The following CDH11 variants were observed in gnomAD, a reference collection of about 807,000 sequenced individuals.
CDH11 encodes the protein cadherin 11, also known as cadherin-11.
A neutral mutation model predicts 67.8 loss-of-function variants in CDH11; 11 were observed. That is an observed-to-expected ratio of 0.16 (90% confidence interval 0.10 to 0.27). The LOEUF (loss-of-function observed/expected upper bound fraction) is 0.27. Ranked by LOEUF, CDH11 falls within the 10% of genes least tolerant of loss-of-function variation. The pLI is 1.00. For missense variants in CDH11, 847 were observed against 1,031.2 expected, an observed-to-expected ratio of 0.82 and a Z score of 2.45; for synonymous variants, 419 against 400.0, an observed-to-expected ratio of 1.05 and a Z score of -0.57.
chr16:65,100,606 C>T (rs1028517428), intron 1 of CDH11, among the ~76,000 whole-genome samples: 25 of 151,672 alleles, frequency 1.6e-4, no homozygotes, highest in South Asian at 4.2e-4. Context: ...GGCGTCGTGG[C>T]GGGCGCCTGT....
At chr16:65,094,442 TAC>T (rs749399832) in intron 1 of CDH11, among the ~76,000 whole-genome samples, 49 of 148,154 alleles carry the variant, frequency 3.3e-4, no homozygotes, top group Middle Eastern at 6.9e-3. Context: ...CACACACACA[TAC>T]ACACACACAC....
chr16:65,065,817 G>T (rs1038646856), intron 1 of CDH11, among the ~76,000 whole-genome samples: 3 of 152,200 alleles, frequency 2.0e-5, no homozygotes, highest in Admixed American at 6.5e-5. Flanking sequence ...GCCACTCTCA[G>T]TTGCAAAGCC....
chr16:65,060,352 TATAGAGAG>T (rs1265429357), intron 1 of CDH11, among the ~76,000 whole-genome samples: 2 of 137,214 alleles, frequency 1.5e-5, no homozygotes, highest in African/African-American at 5.6e-5. Context: ...TATATATATA[TATAGAGAG>T]AGAGAGAGAG....
At chr16:65,092,784 CA>C (rs573644581) in intron 1 of CDH11, among the ~76,000 whole-genome samples, 294 of 98,864 alleles carry the variant, frequency 3.0e-3, no homozygotes, top group Admixed American at 4.4e-3. Context: ...GGACATTTTC[CA>C]AAAAAAAAAA....
rs1212759755 is a variant in CDH11, at chr16:65,121,318, A to G, written c.-298+562T>C. Among the ~76,000 whole-genome samples the G allele has an allele frequency of 6.6e-6, 1 of 152,130 alleles. No homozygotes were observed. Among genetic ancestry groups the G allele is most frequent in the Non-Finnish European group, 1.5e-5 (1 of 68,028 alleles). ...TAAAGTGCGGGCAATCTCCTTCCGG[A>G]GCTGGGGTCTTTCCGTTTTCCCGGG... On this transcript the variant is annotated intron_variant, in intron 1 of 12. Transcript: ENST00000268603. The surrounding 1 kb of genome is among the most constrained non-coding windows in gnomAD (Gnocchi z 4.1).
At chr16:65,102,823 C>A (rs971822120) in intron 1 of CDH11, among the ~76,000 whole-genome samples, 1 of 152,160 alleles carries the variant, frequency 6.6e-6, no homozygotes, top group Non-Finnish European at 1.5e-5. Context: ...TTGAACCCAA[C>A]TTTGGGGTGG....
At position 65,080,628 on chromosome 16, in the gene CDH11, T is replaced by A. The variant is rs77753550; in HGVS notation, c.-297-26700A>T. 7.0e-3 allele frequency among the ~76,000 whole-genome samples: 1,062 copies of A among 152,308 alleles called. 6 individuals carry two copies. The highest frequency in any genetic ancestry group is 0.013 in the Non-Finnish European group (862 of 68,018). On this transcript the variant is annotated intron_variant, in intron 1 of 12. Coordinates refer to ENST00000268603, the MANE Select transcript of CDH11 (RefSeq NM_001797.4). ...ATGTGGGTATAGTCATGCATACAAT[T>A]TTGGTTAATTGTATTGTTAGCTGCT...
intron 1 of CDH11, among the ~76,000 whole-genome samples, chr16:65,098,459 T>C (rs1189885557): frequency 2.0e-5 from 3 of 152,150 alleles, no homozygotes; most frequent in Non-Finnish European, 2.9e-5. Flanking sequence ...ATTTATCAAA[T>C]TACCCTCATT....
At chr16:65,085,034 C>T (rs1453750208) in intron 1 of CDH11, among the ~76,000 whole-genome samples, 3 of 152,112 alleles carry the variant, frequency 2.0e-5, no homozygotes, top group Non-Finnish European at 2.9e-5. Context: ...CTCAGCCTCC[C>T]GAGTAGTTGG....
chr16:64,946,018 C>A lies in CDH11; in HGVS notation c.*1585G>T. ...AAATGCCCTTCACATAAGTTTCAAT[C>A]CCCAAGAAACTAGCTGGAATGCAGG... On this transcript the variant is annotated 3_prime_UTR_variant, in exon 13 of 13. Coordinates refer to ENST00000268603, the MANE Select transcript of CDH11 (RefSeq NM_001797.4). The A allele has an allele frequency of 3.8e-6, 4 of 1,059,004 alleles. No homozygotes were observed. Among genetic ancestry groups the A allele is most frequent in the Non-Finnish European group, 4.6e-6 (4 of 875,354 alleles). The allele number at this position is 1,059,004 out of a possible 1,614,324, so 65.6% of individuals were successfully genotyped here.
At chr16:64,977,050 T>A (rs2072192409) in intron 8 of CDH11, among the ~76,000 whole-genome samples, 1 of 151,634 alleles carries the variant, frequency 6.6e-6, no homozygotes, top group Non-Finnish European at 1.5e-5. Context: ...ACAAAAAAAA[T>A]TAGGCAGGCA....
intron 1 of CDH11, among the ~76,000 whole-genome samples, chr16:65,081,611 T>C (rs1412887892): frequency 6.7e-6 from 1 of 150,260 alleles, no homozygotes; most frequent in Non-Finnish European, 1.5e-5. Flanking sequence ...TACAGCCCTA[T>C]CAAAATGGGG....
Position 65,080,322 on chromosome 16 carries a change from T to C in CDH11, c.-297-26394A>G, listed in dbSNP as rs139959205. ...ACCTGTGCATTAATGTCTGTCTTCA[T>C]TCTTGCTTATTCCTTTAGAATGGGT... On this transcript the variant is annotated intron_variant, in intron 1 of 12. Transcript: ENST00000268603. Among the ~76,000 whole-genome samples the C allele has an allele frequency of 2.1e-3, 324 of 152,148 alleles. 2 individuals carry two copies. The highest frequency in any genetic ancestry group is 7.1e-3 in the African/African-American group (296 of 41,518).
At chr16:65,067,893 A>G (rs1398986448) in intron 1 of CDH11, among the ~76,000 whole-genome samples, 1 of 124,654 alleles carries the variant, frequency 8.0e-6, no homozygotes, top group Non-Finnish European at 1.7e-5. Context: ...GGAGGGAGAG[A>G]GGAAGGAAGG....
intron 1 of CDH11, among the ~76,000 whole-genome samples, chr16:65,118,026 G>A (rs1382869941): frequency 2.0e-5 from 3 of 152,214 alleles, no homozygotes; most frequent in Non-Finnish European, 4.4e-5. Context: ...TGCTCGAGCA[G>A]TAGCTTGAAC....
chr16:65,031,852 G>GA (rs2073649793), intron 2 of CDH11, among the ~76,000 whole-genome samples: 2 of 152,072 alleles, frequency 1.3e-5, no homozygotes, highest in African/African-American at 4.8e-5. Flanking sequence ...AATTAACCAT[G>GA]AAAAAATAGC....
intron 2 of CDH11, among the ~76,000 whole-genome samples, chr16:65,035,197 A>T (rs189270795): frequency 6.6e-6 from 1 of 152,240 alleles, no homozygotes; most frequent in Non-Finnish European, 1.5e-5. Flanking sequence ...AGGGTGCCAC[A>T]CTGAGGTGGC....
rs180811514 is a variant in CDH11 at position 64,950,899 on chromosome 16, G to A, written c.1762C>T (p.Leu588Phe). 1 of 1,614,246 alleles carries A rather than the reference G, an allele frequency of 6.2e-7. No homozygotes were observed. The highest frequency in any genetic ancestry group is 2.2e-5 in the East Asian group (1 of 44,868). ...GIPPMSSTNT[L>F]TIKVCGCDVN... is the part of the protein sequence containing the mutation. ...TCGCACCCGCAGACTTTGATGGTGA[G>A]GGTGTTGGTGCTACTCATGGGCGGG... The change falls in exon 12 of 13, where the codon CTC becomes TTC. Residue 588 changes from leucine (L) to phenylalanine (F), a missense_variant. This residue lies in a region of CDH11 where 612 missense variants were observed against 678.7 expected (regional missense o/e 0.90). Coordinates refer to ENST00000268603, the MANE Select transcript of CDH11 (RefSeq NM_001797.4).
chr16:64,998,095 T>C (rs2072820762), intron 4 of CDH11, among the ~76,000 whole-genome samples: 2 of 152,228 alleles, frequency 1.3e-5, no homozygotes, highest in South Asian at 2.1e-4. Flanking sequence ...CTTCTGAACA[T>C]AGTGACATAG....
Sources: allele counts gnomAD v4.1 joint callset (sites outside exome capture counted in the v4.1 genomes callset), GRCh38; gene constraint gnomAD v4.1.1; regional missense constraint gnomAD v4.1.1; non-coding constraint Gnocchi (gnomAD v3.1); transcripts MANE v1.5; gene names NCBI Gene and HGNC (gene_info 2026-07-23, HGNC 2026-07-21).